OSBPL5: variants seen among roughly 807,000 people sequenced by gnomAD.
The protein encoded by OSBPL5 is oxysterol binding protein like 5, also known as oxysterol-binding protein-related protein 5.
OSBPL5 carries 71 observed loss-of-function variants against 111.2 expected under a neutral mutation model. That is an observed-to-expected ratio of 0.64 (90% CI 0.53 to 0.78). OSBPL5 has a LOEUF of 0.78. OSBPL5 is among the 30% of genes least tolerant of loss of function. The pLI is 0.00. For synonymous variants in OSBPL5, 549 were observed against 513.9 expected, an observed-to-expected ratio of 1.07 and a Z score of -0.93; for missense variants, 1,210 against 1,189.3, an observed-to-expected ratio of 1.02 and a Z score of -0.26.
At chr11:3,128,951 C>T (rs1386175959) in intron 2 of OSBPL5, 62 bp downstream of exon 2, 9 of 1,400,732 alleles carry the variant, frequency 6.4e-6, no homozygotes, top group Admixed American at 6.3e-5. Context: ...TTGGGCCGCC[C>T]GGGGTCACCC....
intron 14 of OSBPL5, among the ~76,000 whole-genome samples, chr11:3,098,409 C>G: frequency 7.0e-6 from 1 of 142,828 alleles, no homozygotes; most frequent in East Asian, 2.1e-4. Flanking sequence ...ACCTCAGGTT[C>G]AAATAATTCA....
chr11:3,126,732 CA>C lies in OSBPL5; in HGVS notation c.137-178del. ...GCCTGAGAGGTGTAATAAACGCCAG[CA>C]AGCGTCACTGTGGGAGGAGTGTGCC... On this transcript the variant is annotated intron_variant, in intron 2 of 21. Coordinates refer to ENST00000263650, the MANE Select transcript of OSBPL5 (RefSeq NM_020896.4). The surrounding 1 kb of genome is among the most constrained non-coding windows in gnomAD (Gnocchi z 6.5). 1 of 512,818 alleles carries C rather than the reference CA, an allele frequency of 2.0e-6. No individual in the cohort carries two copies. Among genetic ancestry groups the C allele is most frequent in the Non-Finnish European group, 3.5e-6 (1 of 286,590 alleles). The allele number at this position is 512,818 out of a possible 1,614,324, so 31.8% of individuals were successfully genotyped here.
chr11:3,124,337 T>C (rs1450756248), intron 3 of OSBPL5, among the ~76,000 whole-genome samples: 1 of 152,098 alleles, frequency 6.6e-6, no homozygotes, highest in Non-Finnish European at 1.5e-5. Flanking sequence ...AAGCAGTCTT[T>C]GGGCTGACGA....
chr11:3,134,508 C>T (rs188205887), intron 1 of OSBPL5, among the ~76,000 whole-genome samples: 16 of 152,262 alleles, frequency 1.1e-4, no homozygotes, highest in Admixed American at 7.2e-4. Flanking sequence ...CAGGGCTGGC[C>T]CCCCAGCCCC....
At chr11:3,148,157 A>G (rs1846428001) in intron 1 of OSBPL5, among the ~76,000 whole-genome samples, 2 of 152,244 alleles carry the variant, frequency 1.3e-5, no homozygotes, top group Admixed American at 1.3e-4. Context: ...ATGTGTATAC[A>G]GTACAGCCGG....
chr11:3,096,905 A>T (rs1393269601), intron 14 of OSBPL5, among the ~76,000 whole-genome samples: 3 of 71,244 alleles, frequency 4.2e-5, no homozygotes, highest in Non-Finnish European at 9.4e-5. Flanking sequence ...CCACAAGAAA[A>T]AATAAAGGGG....
At chr11:3,151,157 C>T (rs575970301) in intron 1 of OSBPL5, among the ~76,000 whole-genome samples, 1 of 152,270 alleles carries the variant, frequency 6.6e-6, no homozygotes, top group Non-Finnish European at 1.5e-5. Flanking sequence ...AGCCAAGGAA[C>T]ACCTGGAGCC....
rs553379963 is a variant in OSBPL5 at position 3,087,638 on chromosome 11, G to C, written c.*567C>G. 1 of 153,122 alleles carries C rather than the reference G, an allele frequency of 6.5e-6. No individual in the cohort carries two copies. The highest frequency in any genetic ancestry group is 6.5e-5 in the Admixed American group (1 of 15,312). The allele number at this position is 153,122 out of a possible 1,614,324, so 9.5% of individuals were successfully genotyped here. A position where few individuals can be genotyped will look rare whatever the true frequency, so the allele number is the denominator to read the frequency against. On this transcript the variant is annotated 3_prime_UTR_variant, in exon 22 of 22. Transcript: ENST00000263650. ...CCTCTGTGGGGCTCCCATCCAAACAGCACAGCGTGGAATAAAAAACCAAAA... is the reference window on the plus strand; with the variant it reads ...CCTCTGTGGGGCTCCCATCCAAACACCACAGCGTGGAATAAAAAACCAAAA...
At chr11:3,155,168 G>A (rs1385941173) in intron 1 of OSBPL5, among the ~76,000 whole-genome samples, 2 of 152,218 alleles carry the variant, frequency 1.3e-5, no homozygotes, top group Non-Finnish European at 2.9e-5. Context: ...ATCAACGTCT[G>A]GGCTGCTTAG....
chr11:3,133,783 G>C (rs1005820239), intron 1 of OSBPL5, among the ~76,000 whole-genome samples: 6 of 152,252 alleles, frequency 3.9e-5, no homozygotes, highest in African/African-American at 9.6e-5. Flanking sequence ...GGAGGAAGGA[G>C]CCCCAGAGTG....
In OSBPL5 at chr11:3,109,008, T is replaced by C. The variant is rs1317784172; in HGVS notation, c.692-1063A>G. Among the ~76,000 whole-genome samples the C allele has an allele frequency of 6.6e-6, 1 of 152,160 alleles. No homozygotes were observed. The highest frequency in any genetic ancestry group is 1.5e-5 in the Non-Finnish European group (1 of 68,040). On this transcript the variant is annotated intron_variant, in intron 7 of 21. Coordinates refer to ENST00000263650, the MANE Select transcript of OSBPL5 (RefSeq NM_020896.4). This position sits in a 1 kb window ranked among gnomAD's most constrained non-coding sequence, Gnocchi z 7.4. ...GTCTCGAACTCCCGACCTCAGGTGATCTGCCTGCCTTGGCCTCCCAAAGTG... is the reference window on the plus strand; with the variant it reads ...GTCTCGAACTCCCGACCTCAGGTGACCTGCCTGCCTTGGCCTCCCAAAGTG...
intron 10 of OSBPL5, among the ~76,000 whole-genome samples, chr11:3,103,703 C>CT (rs1564829441): frequency 6.6e-4 from 78 of 117,990 alleles, no homozygotes; most frequent in Admixed American, 1.6e-3. Context: ...TTCCAGCCTG[C>CT]GTACCCCCTT....
Position 3,094,264 on chromosome 11 carries a change from G to A in OSBPL5, c.1692C>T (p.Phe564=). The change falls in exon 15 of 22, where the codon TTC becomes TTT. Residue 564 remains phenylalanine (F), a synonymous_variant. Coordinates refer to ENST00000263650, the MANE Select transcript of OSBPL5 (RefSeq NM_020896.4). ...KVTIECAKNN[F]QAQLEFKLKP... ...TGAGTTTGAATTCCAGCTGGGCCTG[G>A]AAGTTGTTCTTCGCACACTCGATGG... 6.2e-7 allele frequency: 1 copy of A among 1,613,638 alleles called. No homozygotes were observed.
intron 14 of OSBPL5, among the ~76,000 whole-genome samples, chr11:3,097,214 C>G (rs1012015956): frequency 6.7e-6 from 1 of 148,506 alleles, no homozygotes; most frequent in Non-Finnish European, 1.5e-5. Context: ...CTGAGGTTGC[C>G]GTGGAAAGTG....
In OSBPL5 at chr11:3,087,782, G is replaced by C. The variant is rs1294751340; in HGVS notation, c.*423C>G. ...AGGCCTATGCATCTGTGTGTGGGGG[G>C]ACTCCTGGGCCACTCGGGGCTCCTC... On this transcript the variant is annotated 3_prime_UTR_variant, in exon 22 of 22. Transcript: ENST00000263650. The C allele has an allele frequency of 6.7e-6, 1 of 149,320 alleles. No individual in the cohort carries two copies. Among genetic ancestry groups the C allele is most frequent in the Non-Finnish European group, 1.5e-5 (1 of 68,610 alleles). The allele number at this position is 149,320 out of a possible 1,614,324, so 9.2% of individuals were successfully genotyped here. A position where few individuals can be genotyped will look rare whatever the true frequency, so the allele number is the denominator to read the frequency against.
intron 7 of OSBPL5, among the ~76,000 whole-genome samples, chr11:3,108,987 C>T (rs1240365757): frequency 6.6e-6 from 1 of 152,132 alleles, no homozygotes; most frequent in East Asian, 1.9e-4. Context: ...AGGCTGGTCT[C>T]GAACTCCCGA....
chr11:3,103,764 G>GCCTCCTTCCAGCCTGCGTA (rs1857561591), intron 10 of OSBPL5, among the ~76,000 whole-genome samples: 1 of 29,454 alleles, frequency 3.4e-5, no homozygotes, highest in Non-Finnish European at 1.1e-4. Flanking sequence ...CAGCTCTGCA[G>GCCTCCTTCCAGCCTGCGTA]CCCCCTTCCA....
intron 1 of OSBPL5, among the ~76,000 whole-genome samples, chr11:3,144,478 C>T (rs1564858697): frequency 6.6e-6 from 1 of 152,212 alleles, no homozygotes; most frequent in Non-Finnish European, 1.5e-5. Flanking sequence ...TCACAGCCAG[C>T]AGCAAACCCG....
chr11:3,099,063 A>G (rs1339353820), intron 14 of OSBPL5, among the ~76,000 whole-genome samples: 1 of 152,176 alleles, frequency 6.6e-6, no homozygotes, highest in African/African-American at 2.4e-5. Flanking sequence ...TCTACCTCCC[A>G]AAGTGCAGGG....
Sources: gnomAD v4.1 joint callset for allele counts (sites outside exome capture counted in the v4.1 genomes callset) on GRCh38, gnomAD v4.1.1 for gene constraint, Gnocchi (gnomAD v3.1) non-coding constraint, MANE v1.5 for transcripts, NCBI Gene and HGNC (gene_info 2026-07-23, HGNC 2026-07-21) for gene names.